The following SOX6 variants were observed in gnomAD, a reference collection of about 807,000 sequenced individuals.
SOX6 encodes transcription factor SOX-6.
A neutral mutation model predicts 97.8 loss-of-function variants in SOX6; 11 were observed. That is an observed-to-expected ratio of 0.11 (90% CI 0.07 to 0.19). SOX6 has a LOEUF of 0.19. Ranked by LOEUF, SOX6 falls within the 10% of genes least tolerant of loss-of-function variation. SOX6 has a pLI of 1.00. For synonymous variants in SOX6, 360 were observed against 371.4 expected, an observed-to-expected ratio of 0.97 and a Z score of 0.35; for missense variants, 810 against 1,039.5, an observed-to-expected ratio of 0.78 and a Z score of 3.04.
intron 1 of SOX6, among the ~76,000 whole-genome samples, chr11:16,455,395 ATACTTTTTCTTTATATAAAAT>A (rs1395976500): frequency 6.6e-6 from 1 of 152,048 alleles, no homozygotes; most frequent in African/African-American, 2.4e-5. Context: ...CTTTATATAA[ATACTTTTTCTTTATATAAAAT>A]TACTTTTTCT....
intron 4 of SOX6, among the ~76,000 whole-genome samples, chr11:16,555,747 G>T (rs918297224): frequency 1.4e-4 from 21 of 151,600 alleles, no homozygotes; most frequent in African/African-American, 2.4e-5. Flanking sequence ...AAAAGAAATA[G>T]AGATATAATG....
intron 3 of SOX6, among the ~76,000 whole-genome samples, chr11:16,276,050 G>A (rs1486284215): frequency 2.0e-5 from 3 of 152,046 alleles, no homozygotes; most frequent in Non-Finnish European, 4.4e-5. Flanking sequence ...AAATATACAA[G>A]TATGTAGAAT....
chr11:16,738,198 G>A (rs1385488805), intron 1 of SOX6, among the ~76,000 whole-genome samples: 1 of 151,870 alleles, frequency 6.6e-6, no homozygotes, highest in East Asian at 1.9e-4. Flanking sequence ...AATCCCCTGC[G>A]CGCAATAGAG....
chr11:16,270,857 G>C (rs550430810), intron 3 of SOX6, among the ~76,000 whole-genome samples: 8 of 151,486 alleles, frequency 5.3e-5, no homozygotes, highest in African/African-American at 1.7e-4. Flanking sequence ...GGTTACCAGG[G>C]AGTTTCAGGA....
intron 1 of SOX6, among the ~76,000 whole-genome samples, chr11:16,426,291 A>G (rs1326996475): frequency 9.7e-6 from 1 of 103,378 alleles, no homozygotes; most frequent in Non-Finnish European, 2.0e-5. Flanking sequence ...AAAAAAAAAA[A>G]AAAAACCACT....
chr11:16,666,750 C>T (rs1375696571), intron 3 of SOX6, among the ~76,000 whole-genome samples: 3 of 151,838 alleles, frequency 2.0e-5, no homozygotes, highest in African/African-American at 7.2e-5. Context: ...GAACCGAGAT[C>T]GTGCCACTGC....
At chr11:16,003,530 G>C (rs1280286303) in intron 13 of SOX6, among the ~76,000 whole-genome samples, 1 of 152,062 alleles carries the variant, frequency 6.6e-6, no homozygotes, top group African/African-American at 2.4e-5. Flanking sequence ...CCCCAAAACA[G>C]TGGTGACTGC....
At chr11:15,986,080 GC>G in intron 15 of SOX6, 123 bp downstream of exon 15, 1 of 923,896 alleles carries the variant, frequency 1.1e-6, no homozygotes, top group South Asian at 1.3e-5. Context: ...TCATGGCCAA[GC>G]CCCTTCAGTA....
chr11:16,258,828 T>TACAC (rs1342999416), intron 3 of SOX6, among the ~76,000 whole-genome samples: 3 of 122,098 alleles, frequency 2.5e-5, no homozygotes, highest in Non-Finnish European at 5.7e-5. Context: ...TATACATGTA[T>TACAC]ATACACACAC....
chr11:16,380,226 T>A (rs889158268), intron 1 of SOX6, among the ~76,000 whole-genome samples: 2 of 152,064 alleles, frequency 1.3e-5, no homozygotes, highest in Non-Finnish European at 2.9e-5. Context: ...GAAGAGAATC[T>A]GATGCCATAG....
chr11:16,736,902 C>T (rs935634527), intron 1 of SOX6, among the ~76,000 whole-genome samples: 2 of 152,094 alleles, frequency 1.3e-5, no homozygotes, highest in Non-Finnish European at 2.9e-5. Flanking sequence ...TTAAGATGTT[C>T]TTTGTTTGGT....
At chr11:16,429,810 C>G (rs1859235317) in intron 1 of SOX6, among the ~76,000 whole-genome samples, 1 of 152,064 alleles carries the variant, frequency 6.6e-6, no homozygotes, top group Admixed American at 6.6e-5. Flanking sequence ...AACATGTACA[C>G]TTGAATGTAA....
intron 3 of SOX6, among the ~76,000 whole-genome samples, chr11:16,251,310 A>C (rs1293190765): frequency 6.6e-6 from 1 of 152,124 alleles, no homozygotes; most frequent in African/African-American, 2.4e-5. Context: ...CACAGAGCAA[A>C]ATAAGCAAAA....
chr11:16,467,193 T>C (rs562356687), intron 1 of SOX6, among the ~76,000 whole-genome samples: 4 of 151,902 alleles, frequency 2.6e-5, no homozygotes, highest in Non-Finnish European at 4.4e-5. Flanking sequence ...GTTTGGGGAG[T>C]GTAAATTAGT....
At chr11:16,240,087 C>T (rs1425662730) in intron 3 of SOX6, among the ~76,000 whole-genome samples, 1 of 151,878 alleles carries the variant, frequency 6.6e-6, no homozygotes, top group Non-Finnish European at 1.5e-5. Flanking sequence ...AAATGTTGTG[C>T]TAAATTAGAA....
At chr11:16,294,540 T>C (rs1402048490) in intron 3 of SOX6, among the ~76,000 whole-genome samples, 1 of 152,072 alleles carries the variant, frequency 6.6e-6, no homozygotes, top group African/African-American at 2.4e-5. Flanking sequence ...ACTAAGGAAA[T>C]AGTCACTATT....
intron 6 of SOX6, among the ~76,000 whole-genome samples, chr11:16,138,983 A>G (rs866339060): frequency 6.6e-6 from 1 of 152,250 alleles, no homozygotes; most frequent in Middle Eastern, 3.4e-3. Context: ...TGGAGATTTC[A>G]AGACAGTTAT....
At chr11:16,725,661 G>C (rs548058550) in intron 2 of SOX6, among the ~76,000 whole-genome samples, 4 of 152,246 alleles carry the variant, frequency 2.6e-5, no homozygotes, top group Middle Eastern at 3.4e-3. Flanking sequence ...AAAACAAGGA[G>C]GAGGGATGGC....
At chr11:16,217,948 C>T (rs914154912) in intron 4 of SOX6, among the ~76,000 whole-genome samples, 3 of 151,936 alleles carry the variant, frequency 2.0e-5, no homozygotes, top group South Asian at 2.1e-4. Flanking sequence ...ATGGTGAAGT[C>T]GCCTCCTAGA....
Sources: gnomAD v4.1 joint callset for allele counts (sites outside exome capture counted in the v4.1 genomes callset) on GRCh38, gnomAD v4.1.1 for gene constraint, MANE v1.5 for transcripts, NCBI Gene and HGNC (gene_info 2026-07-23, HGNC 2026-07-21) for gene names.